TASOR2: variants seen among roughly 807,000 people sequenced by gnomAD.
TASOR2 encodes the protein protein TASOR 2.
Under a neutral mutation model 199.5 loss-of-function variants are expected in TASOR2, and 84 were observed. The observed-to-expected ratio is 0.42, with a 90% confidence interval of 0.35 to 0.50. TASOR2 has a LOEUF of 0.50. Among genes scored for constraint, TASOR2 ranks in the 20% least tolerant of loss-of-function variants. TASOR2 has a pLI of 0.02. For missense variants in TASOR2, 2,796 were observed against 2,835.9 expected (o/e 0.99, Z 0.32); for synonymous variants, 1,103 against 1,046.6 (o/e 1.05, Z -1.04).
At chr10:5,688,757 AGCACTTTGG>A (rs1424784058) in intron 1 of TASOR2, among the ~76,000 whole-genome samples, 2 of 152,042 alleles carry the variant, frequency 1.3e-5, no homozygotes, top group Non-Finnish European at 2.9e-5. Flanking sequence ...GTGTGATGCT[AGCACTTTGG>A]GAAGTTGAGC....
At chr10:5,713,534 AGGG>A (rs1169456403) in intron 2 of TASOR2, among the ~76,000 whole-genome samples, 1 of 152,200 alleles carries the variant, frequency 6.6e-6, no homozygotes, top group Non-Finnish European at 1.5e-5. Flanking sequence ...TTTATAAAGA[AGGG>A]GGGCAGATTT....
At chr10:5,714,188 T>A (rs1179285902) in intron 2 of TASOR2, 1 of 1,231,798 alleles carries the variant, frequency 8.1e-7, no homozygotes, top group Non-Finnish European at 1.0e-6. Flanking sequence ...CTGTTACCAC[T>A]CTGGGTGATC....
At chr10:5,694,697 G>A (rs879348159) in intron 1 of TASOR2, among the ~76,000 whole-genome samples, 24 of 152,250 alleles carry the variant, frequency 1.6e-4, no homozygotes, top group Admixed American at 1.3e-3. Context: ...GTAAAAAATA[G>A]CATGCATAAA....
At chr10:5,726,810 T>G in intron 8 of TASOR2, 75 bp from the exon 10 acceptor site, 1 of 1,329,016 alleles carries the variant, frequency 7.5e-7, no homozygotes, top group Non-Finnish European at 1.1e-6. Context: ...CAATATTCAC[T>G]AATGAGTATG....
At chr10:5,688,064 G>T (rs1835988496) in intron 1 of TASOR2, among the ~76,000 whole-genome samples, 1 of 152,096 alleles carries the variant, frequency 6.6e-6, no homozygotes, top group African/African-American at 2.4e-5. Context: ...ATCTGCTTTT[G>T]TATTCATTGT....
chr10:5,686,121 G>A (rs1266628971), intron 1 of TASOR2, among the ~76,000 whole-genome samples: 3 of 152,182 alleles, frequency 2.0e-5, no homozygotes, highest in East Asian at 1.9e-4. Flanking sequence ...TATGCGGTAT[G>A]TCCTGTACTG....
At chr10:5,733,076 G>A (rs960640136) in intron 11 of TASOR2, among the ~76,000 whole-genome samples, 15 of 152,058 alleles carry the variant, frequency 9.9e-5, no homozygotes, top group Non-Finnish European at 2.2e-4. Flanking sequence ...CTGTTTCTCA[G>A]ATGTTTTTAA....
chr10:5,740,357 A>G lies in TASOR2; in HGVS notation c.2187A>G (p.Lys729=), dbSNP rs372683152. 2 of 1,614,070 alleles carry G rather than the reference A, an allele frequency of 1.2e-6. No homozygotes were observed. The highest frequency in any genetic ancestry group is 1.3e-5 in the African/African-American group (1 of 74,928). ...GACCACCGTCTGCCCGTGTGAAAAA[A>G]TCTTCTTGCTCTCGTATAGTGCTTA... The change falls in exon 13 of 21, where the codon AAA becomes AAG. Residue 729 remains lysine (K), a synonymous_variant. Transcript: ENST00000328090. The surrounding 1 kb of genome is among the most constrained non-coding windows in gnomAD (Gnocchi z 5.3).
exon 15 of TASOR2, chr10:5,749,561 A>T: frequency 1.2e-6 from 2 of 1,614,080 alleles, no homozygotes; most frequent in Non-Finnish European, 1.7e-6. Flanking sequence ...GTGGAGTCAG[A>T]TCCCAGACCA....
chr10:5,748,021 T>C lies in TASOR2; in HGVS notation c.4600T>C (p.Cys1534Arg). 6.2e-7 allele frequency: 1 copy of C among 1,613,746 alleles called. No individual in the cohort carries two copies. The highest frequency in any genetic ancestry group is 8.5e-7 in the Non-Finnish European group (1 of 1,180,016). The change falls in exon 15 of 21, where the codon TGC (cysteine) becomes CGC (arginine). Residue 1534 changes from cysteine to arginine, a missense_variant. Physicochemically the swap from Cys to Arg is radical, Grantham distance 180. Coordinates refer to ENST00000328090, the Ensembl canonical transcript of TASOR2. This position sits in a 1 kb window ranked among gnomAD's most constrained non-coding sequence, Gnocchi z 5.1. The stretch of plus-strand genomic sequence containing the variant: ...AAACCAGCCTGCCTCAGCTGCCAAA[T>C]GCACAGGTGACTTCAGTCCTTCTCC...
chr10:5,749,638 T>G (rs1408039856), exon 15 of TASOR2: 3 of 1,614,134 alleles, frequency 1.9e-6, no homozygotes, highest in South Asian at 2.2e-5. Flanking sequence ...GAGAGAGAGA[T>G]GTAGTCATAA....
rs754931544 is a variant in TASOR2, at chr10:5,758,875, ATTG to A, written c.6887-9_6887-7del. 6 of 1,577,330 alleles carry A rather than the reference ATTG, an allele frequency of 3.8e-6. No homozygotes were observed. The highest frequency in any genetic ancestry group is 5.2e-6 in the Non-Finnish European group (6 of 1,147,196). On this transcript the variant is annotated splice_polypyrimidine_tract_variant and intron_variant, in intron 17 of 20. Coordinates refer to ENST00000328090, the Ensembl canonical transcript of TASOR2. ...CTTGTCATCTTCTTTTGCTACATTT[ATTG>A]TTTTGTAGTTCAACTGAAGGAAATT... is the stretch of plus-strand genomic sequence containing the variant.
intron 10 of TASOR2, among the ~76,000 whole-genome samples, chr10:5,728,534 G>A (rs1185381941): frequency 6.6e-6 from 1 of 151,940 alleles, no homozygotes; most frequent in East Asian, 1.9e-4. Flanking sequence ...TACTCAGGAG[G>A]CTGAGGCAGG....
At chr10:5,762,963 C>G in intron 20 of TASOR2, 66 bp from the exon 22 acceptor site, 3 of 1,492,956 alleles carry the variant, frequency 2.0e-6, no homozygotes, top group South Asian at 2.4e-5. Flanking sequence ...TAGAGCATCC[C>G]GCTTATAAAA....
intron 14 of TASOR2, among the ~76,000 whole-genome samples, chr10:5,743,598 TCAG>T (rs1201700146): frequency 6.6e-6 from 1 of 152,196 alleles, no homozygotes; most frequent in Non-Finnish European, 1.5e-5. Context: ...AAGATGGGGT[TCAG>T]CAGTTCCATC....
intron 1 of TASOR2, among the ~76,000 whole-genome samples, chr10:5,705,268 T>A (rs547871094): frequency 9.9e-5 from 15 of 152,226 alleles, no homozygotes; most frequent in Non-Finnish European, 2.2e-4. Context: ...CAGTATGTAC[T>A]CTTGTGTCTG....
intron 15 of TASOR2, among the ~76,000 whole-genome samples, chr10:5,753,642 G>A (rs1462116111): frequency 6.6e-6 from 1 of 152,220 alleles, no homozygotes; most frequent in Non-Finnish European, 1.5e-5. Context: ...TTACAGGCAT[G>A]AGCCACTCCG....
At chr10:5,747,582 C>G (rs775324852) in exon 15 of TASOR2, 2 of 1,614,110 alleles carry the variant, frequency 1.2e-6, no homozygotes, top group Admixed American at 1.7e-5. Flanking sequence ...TTAATGTGAC[C>G]TCTGATTTTC....
intron 1 of TASOR2, among the ~76,000 whole-genome samples, chr10:5,711,131 A>T (rs921553176): frequency 1.3e-5 from 2 of 152,144 alleles, no homozygotes; most frequent in Admixed American, 6.5e-5. Context: ...GAATATTCGT[A>T]AACATTTCAT....
Sources: allele counts gnomAD v4.1 joint callset (sites outside exome capture counted in the v4.1 genomes callset), GRCh38; gene constraint gnomAD v4.1.1; non-coding constraint Gnocchi (gnomAD v3.1); transcripts MANE v1.5; gene names NCBI Gene and HGNC (gene_info 2026-07-23, HGNC 2026-07-21).